CSMD3: variants seen among roughly 807,000 people sequenced by gnomAD.
CSMD3 encodes the protein CUB and Sushi multiple domains 3.
Under a neutral mutation model 435.2 loss-of-function variants are expected in CSMD3, and 177 were observed. The observed-to-expected ratio is 0.41, with a 90% CI of 0.36 to 0.46. The LOEUF is 0.46. CSMD3 is among the 20% of genes least tolerant of loss of function. The probability of loss-of-function intolerance (pLI) is 0.34; values close to 1 mark genes in which losing one functional copy is unlikely to be tolerated. For missense variants in CSMD3, 4,265 were observed against 4,504.6 expected, an observed-to-expected ratio of 0.95 and a Z score of 1.52; for synonymous variants, 1,656 against 1,520.5, an observed-to-expected ratio of 1.09 and a Z score of -2.07.
intron 5 of CSMD3, among the ~76,000 whole-genome samples, chr8:113,092,974 A>G (rs947945044): frequency 4.6e-5 from 7 of 152,178 alleles, no homozygotes; most frequent in African/African-American, 1.7e-4. Context: ...CAAATCAAGT[A>G]CAACCATTGG....
intron 67 of CSMD3, among the ~76,000 whole-genome samples, chr8:112,235,204 A>G (rs1586478657): frequency 6.6e-6 from 1 of 151,992 alleles, no homozygotes; most frequent in Non-Finnish European, 1.5e-5. Context: ...ACATGGCAAA[A>G]CCCCATCTTT....
chr8:113,273,757 T>G (rs897768202), intron 3 of CSMD3, among the ~76,000 whole-genome samples: 1 of 152,188 alleles, frequency 6.6e-6, no homozygotes, highest in Admixed American at 6.5e-5. Flanking sequence ...TAGTGTTTTC[T>G]GATATCTGAC....
intron 4 of CSMD3, among the ~76,000 whole-genome samples, chr8:113,111,043 CA>C (rs2090622869): frequency 6.6e-6 from 1 of 152,178 alleles, no homozygotes; most frequent in Admixed American, 6.5e-5. Flanking sequence ...AATCACCTCC[CA>C]AAAAGTCCAA....
rs2131632991 is a variant in CSMD3, at chr8:112,650,293, G to A, written c.3061C>T (p.Arg1021Cys). 2 of 1,613,604 alleles carry A rather than the reference G, an allele frequency of 1.2e-6. No homozygotes were observed. Among genetic ancestry groups the A allele is most frequent in the East Asian group, 2.2e-5 (1 of 44,838 alleles). Residue 1021 changes from arginine (R) to cysteine (C), a missense_variant, in exon 19 of 71, where the codon CGC becomes TGC. This residue lies in a region of CSMD3 where 3,255 missense variants were observed against 3,380.2 expected (regional missense o/e 0.96). Coordinates refer to ENST00000297405, the MANE Select transcript of CSMD3 (RefSeq NM_198123.2). Reference protein sequence around the residue: ...LDPGIPVHGRRYGHDFSIGST... With the variant: ...LDPGIPVHGRCYGHDFSIGST... ...CCAATGGAGAAATCATGACCATAGC[G>A]ACGGCCATGTACAGGTATGCCAGGG...
intron 1 of CSMD3, among the ~76,000 whole-genome samples, chr8:113,343,176 A>G (rs944972882): frequency 1.3e-5 from 2 of 152,152 alleles, no homozygotes; most frequent in Admixed American, 6.5e-5. Context: ...AAATTACTCT[A>G]AAGTAGCTAC....
rs148722452 is a variant in CSMD3 at position 112,873,401 on chromosome 8, A to G, written c.1634-14135T>C. Among the ~76,000 whole-genome samples the G allele has an allele frequency of 7.8e-3, 1,191 of 152,174 alleles. 14 individuals carry two copies. The highest frequency in any genetic ancestry group is 0.027 in the African/African-American group (1,135 of 41,568). Reference sequence around the variant, plus strand: ...TAATGCACTTCCAAAAGTTACTTCCATAGCTTTTCACATGTTATTTCCTTC... The same window carrying G: ...TAATGCACTTCCAAAAGTTACTTCCGTAGCTTTTCACATGTTATTTCCTTC... On this transcript the variant is annotated intron_variant, in intron 10 of 70. Coordinates refer to ENST00000297405, the MANE Select transcript of CSMD3 (RefSeq NM_198123.2).
intron 3 of CSMD3, among the ~76,000 whole-genome samples, chr8:113,193,073 C>T (rs757084209): frequency 2.6e-5 from 4 of 151,322 alleles, no homozygotes; most frequent in African/African-American, 4.8e-5. Context: ...TCTCCATCAC[C>T]TGCTTAGGGA....
chr8:113,085,357 A>G (rs2131474726), intron 5 of CSMD3, among the ~76,000 whole-genome samples: 1 of 152,290 alleles, frequency 6.6e-6, no homozygotes, highest in South Asian at 2.1e-4. Context: ...TAGCCATTAT[A>G]AAAAACGGTA....
intron 6 of CSMD3, among the ~76,000 whole-genome samples, chr8:113,012,233 A>C (rs970647983): frequency 7.9e-5 from 12 of 151,784 alleles, no homozygotes; most frequent in South Asian, 2.1e-4. Flanking sequence ...ATAATAATTT[A>C]AATATATTAT....
At chr8:112,679,589 A>G (rs1259493258) in intron 16 of CSMD3, among the ~76,000 whole-genome samples, 1 of 152,196 alleles carries the variant, frequency 6.6e-6, no homozygotes, top group Non-Finnish European at 1.5e-5. Context: ...TTTAAAAGTT[A>G]AATACCATTT....
At position 112,921,740 on chromosome 8, in the gene CSMD3, G is replaced by C. The variant is rs2130632441; in HGVS notation, c.1520C>G (p.Thr507Ser). The change falls in exon 10 of 71, where the codon ACT becomes AGT. Residue 507 changes from threonine to serine, a missense_variant. Thr to Ser is a moderately conservative substitution (Grantham distance 58). Coordinates refer to ENST00000297405, the MANE Select transcript of CSMD3 (RefSeq NM_198123.2). ...RIGSDFSLGS[T>S]VQFSCDEDYV... ...ATCTTCATCACAAGAGAACTGCACA[G>C]TTGATCCAAGGCTAAAGTTAAATAA... is the stretch of plus-strand genomic sequence containing the variant. 1 of 1,608,364 alleles carries C rather than the reference G, an allele frequency of 6.2e-7. No individual in the cohort carries two copies.
At chr8:113,261,179 C>T (rs1397637855) in intron 3 of CSMD3, among the ~76,000 whole-genome samples, 2 of 151,858 alleles carry the variant, frequency 1.3e-5, no homozygotes, top group African/African-American at 2.4e-5. Context: ...ATTTATTTGT[C>T]AATATGGAAT....
At chr8:113,097,151 A>T (rs1031442331) in intron 5 of CSMD3, among the ~76,000 whole-genome samples, 56 of 152,080 alleles carry the variant, frequency 3.7e-4, no homozygotes, top group African/African-American at 1.3e-3. Flanking sequence ...ACAGAAACAA[A>T]GAAGTAAAAC....
intron 23 of CSMD3, among the ~76,000 whole-genome samples, chr8:112,575,159 T>C (rs77812576): frequency 0.01 from 1,551 of 152,180 alleles, 28 homozygotes; most frequent in African/African-American, 0.036. Flanking sequence ...TAGAATTTAA[T>C]GTTAAGGTTA....
intron 10 of CSMD3, among the ~76,000 whole-genome samples, chr8:112,917,683 C>T (rs2082614220): frequency 6.6e-6 from 1 of 151,814 alleles, no homozygotes; most frequent in South Asian, 2.1e-4. Context: ...ATAAATTGTA[C>T]TCTAAATGAA....
chr8:112,552,676 A>G lies in CSMD3; in HGVS notation c.4279T>C (p.Leu1427=), dbSNP rs770450646. 1.9e-6 allele frequency: 3 copies of G among 1,611,768 alleles called. No individual in the cohort carries two copies. Among genetic ancestry groups the G allele is most frequent in the Non-Finnish European group, 1.7e-6 (2 of 1,178,396 alleles). ...TATGGAAAAGGATAGCCAGGAGATA[A>G]GATTCTTCCTGATGATTCTCCTTTA... ...RFKGESSGRI[L]SPGYPFPYDN... The change falls in exon 26 of 71, where the codon TTA becomes CTA. Residue 1427 remains leucine, a synonymous_variant. Transcript: ENST00000297405.
chr8:112,647,739 A>G (rs149025350), intron 19 of CSMD3, among the ~76,000 whole-genome samples: 2 of 152,250 alleles, frequency 1.3e-5, no homozygotes, highest in East Asian at 1.9e-4. Context: ...CTCCATCATC[A>G]TCATCAGCCT....
chr8:113,252,361 A>G (rs555392446), intron 3 of CSMD3, among the ~76,000 whole-genome samples: 2 of 152,010 alleles, frequency 1.3e-5, no homozygotes, highest in African/African-American at 4.8e-5. Context: ...AAATTGTCCA[A>G]TTTTTTTTAA....
At chr8:113,137,523 T>C (rs1447299313) in intron 4 of CSMD3, among the ~76,000 whole-genome samples, 1 of 151,654 alleles carries the variant, frequency 6.6e-6, no homozygotes. Context: ...TTATTTCCCA[T>C]AGTTTTGGAG....
Sources: allele counts gnomAD v4.1 joint callset (sites outside exome capture counted in the v4.1 genomes callset), GRCh38; gene constraint gnomAD v4.1.1; regional missense constraint gnomAD v4.1.1; transcripts MANE v1.5; gene names NCBI Gene and HGNC (gene_info 2026-07-23, HGNC 2026-07-21).